Variants in EGLN2 observed in about 807,000 individuals in gnomAD.
EGLN2 encodes the protein prolyl hydroxylase EGLN2.
A neutral mutation model predicts 38.2 loss-of-function variants in EGLN2; 15 were observed. The observed-to-expected ratio is 0.39, with a 90% confidence interval of 0.26 to 0.60. The LOEUF (loss-of-function observed/expected upper bound fraction) is 0.60, where lower values mean the gene tolerates loss of function less well. Ranked by LOEUF, EGLN2 falls within the 20% of genes least tolerant of loss-of-function variation. The pLI is 0.50. For synonymous variants in EGLN2, 284 were observed against 237.4 expected (o/e 1.20, Z -1.81); for missense variants, 492 against 570.4 (o/e 0.86, Z 1.40).
Position 40,807,218 on chromosome 19 carries a change from C to T in EGLN2, c.1044C>T (p.Leu348=), listed in dbSNP as rs749451159. The T allele has an allele frequency of 1.9e-6, 3 of 1,614,198 alleles. No homozygotes were observed. The highest frequency in any genetic ancestry group is 2.2e-5 in the East Asian group (1 of 44,884). ...ANIEPLFDRL[L]IFWSDRRNPH... is the part of the protein sequence containing the mutation. ...TCGAGCCACTCTTTGACCGGTTGCT[C>T]ATTTTCTGGTCTGACCGGCGGAACC... Residue 348 remains leucine (L), a synonymous_variant, in exon 4 of 6, where the codon CTC becomes CTT. Transcript: ENST00000303961.
At position 40,808,015 on chromosome 19, in the gene EGLN2, C is replaced by A; in HGVS notation, c.*151C>A. On this transcript the variant is annotated 3_prime_UTR_variant, in exon 6 of 6. Transcript: ENST00000303961. ...GAGGGCTCTGTCTGTTGCTGAGGAC[C>A]AAGGAGGAGAAGAGACCTTTGCTGC... 3.9e-6 allele frequency: 3 copies of A among 760,620 alleles called. No individual in the cohort carries two copies. The highest frequency in any genetic ancestry group is 3.3e-4 in the Middle Eastern group (1 of 2,988). The allele number at this position is 760,620 out of a possible 1,614,324, so 47.1% of individuals were successfully genotyped here. A position where few individuals can be genotyped will look rare whatever the true frequency, so the allele number is the denominator to read the frequency against.
chr19:40,801,487 A>G, intron 2 of EGLN2, 72 bp downstream of exon 2: 1 of 1,541,592 alleles, frequency 6.5e-7, no homozygotes, highest in South Asian at 1.2e-5. Context: ...TGCTCTGAGC[A>G]CAGTGGGTTT....
In EGLN2 at chr19:40,808,135, T is replaced by G; in HGVS notation, c.*271T>G. On this transcript the variant is annotated 3_prime_UTR_variant, in exon 6 of 6. Transcript: ENST00000303961. ...CTGGGGGCCTGGGTCCTACCCTGTC[T>G]GGTCATGACCCCATTAGGTATGGAG... The G allele has an allele frequency of 1.8e-6, 1 of 562,806 alleles. No homozygotes were observed. The highest frequency in any genetic ancestry group is 2.9e-5 in the East Asian group (1 of 34,510). The allele number at this position is 562,806 out of a possible 1,614,324, so 34.9% of individuals were successfully genotyped here. A position where few individuals can be genotyped will look rare whatever the true frequency, so the allele number is the denominator to read the frequency against.
chr19:40,801,458 C>G, intron 2 of EGLN2, 43 bp downstream of exon 2: 1 of 1,572,866 alleles, frequency 6.4e-7, no homozygotes, highest in Non-Finnish European at 8.6e-7. Context: ...TTTGCAGCAC[C>G]CTGGTTTGCA....
In EGLN2 at chr19:40,801,196, C is replaced by T. The variant is rs750404916; in HGVS notation, c.624C>T (p.Ala208=). The part of the protein sequence containing the change: ...LGAALGGRVL[A]EVEALKRGGR... ...CAGCACTGGGCGGTCGCGTGCTGGC[C>T]GAGGTGGAGGCCCTCAAACGGGGTG... Residue 208 remains alanine, a synonymous_variant, in exon 2 of 6, where the codon GCC becomes GCT. Transcript: ENST00000303961. 9.3e-6 allele frequency: 15 copies of T among 1,612,540 alleles called. No homozygotes were observed. The highest frequency in any genetic ancestry group is 4.5e-5 in the East Asian group (2 of 44,882).
At position 40,806,706 on chromosome 19, in the gene EGLN2, T is replaced by C. The variant is rs1434839090; in HGVS notation, c.963+32T>C. 5.0e-6 allele frequency: 8 copies of C among 1,590,114 alleles called. No individual in the cohort carries two copies. In the African/African-American group the frequency reaches 1.1e-4, roughly 21 times the overall value. On this transcript the variant is annotated intron_variant, in intron 3 of 5. Coordinates refer to ENST00000303961, the MANE Select transcript of EGLN2 (RefSeq NM_080732.4). ...GTGAGGGTGAGGGTGAGGGTGGCGC[T>C]GGGGCTAGGGCTGGGGCGGGGGTGG... is the stretch of plus-strand genomic sequence containing the variant.
chr19:40,807,175 G>A lies in EGLN2; in HGVS notation c.1001G>A (p.Arg334Gln), dbSNP rs1384428532. Residue 334 changes from arginine to glutamine, a missense_variant, in exon 4 of 6, where the codon CGG becomes CAG. Physicochemically the swap from Arg to Gln is conservative, Grantham distance 43. Coordinates refer to ENST00000303961, the MANE Select transcript of EGLN2 (RefSeq NM_080732.4). ...GGLLQIFPEGRPVVANIEPLF... is the reference protein window; with the variant it reads ...GGLLQIFPEGQPVVANIEPLF... ...CTGCTGCAGATCTTCCCTGAGGGCC[G>A]GCCCGTGGTAGCCAACATCGAGCCA... The A allele has an allele frequency of 1.9e-6, 3 of 1,614,026 alleles. No homozygotes were observed. The highest frequency in any genetic ancestry group is 1.3e-5 in the African/African-American group (1 of 74,916).
At chr19:40,804,214 A>C (rs145912604) in intron 2 of EGLN2, 1 of 152,294 alleles carries the variant, frequency 6.6e-6, no homozygotes, top group Non-Finnish European at 1.5e-5. Flanking sequence ...GGGGAGACCA[A>C]CCTGGCCCCA....
intron 4 of EGLN2, 37 bp downstream of exon 4, chr19:40,807,311 C>A: frequency 6.2e-7 from 1 of 1,613,094 alleles, no homozygotes; most frequent in Non-Finnish European, 8.5e-7. Flanking sequence ...CCCAGGTGCT[C>A]CCCCTGTGAC....
In EGLN2 at chr19:40,806,633, A is replaced by G. The variant is rs773343502; in HGVS notation, c.922A>G (p.Ile308Val). 4 of 1,614,040 alleles carry G rather than the reference A, an allele frequency of 2.5e-6. No individual in the cohort carries two copies. Among genetic ancestry groups the G allele is most frequent in the South Asian group, 1.1e-5 (1 of 91,070 alleles). The change falls in exon 3 of 6, where the codon ATC becomes GTC. Residue 308 changes from isoleucine (I) to valine (V), a missense_variant. Coordinates refer to ENST00000303961, the MANE Select transcript of EGLN2 (RefSeq NM_080732.4). Reference sequence around the variant, plus strand: ...CAATCCCCACGGCGATGGGCGCTGCATCACCTGTATCTATTACCTGAATCA... The same window carrying G: ...CAATCCCCACGGCGATGGGCGCTGCGTCACCTGTATCTATTACCTGAATCA... Reference protein sequence around the residue: ...VDNPHGDGRCITCIYYLNQNW... With the variant: ...VDNPHGDGRCVTCIYYLNQNW...
rs143824958 is a variant in EGLN2 at position 40,806,590 on chromosome 19, G to A, written c.879G>A (p.Gly293=). Residue 293 remains glycine, a synonymous_variant, in exon 3 of 6, where the codon GGG becomes GGA. Transcript: ENST00000303961. The part of the protein sequence containing the change: ...MVACYPGNGL[G]YVRHVDNPHG... The stretch of plus-strand genomic sequence containing the variant: ...CGTGTTACCCAGGCAACGGGCTCGG[G>A]TACGTAAGGCACGTTGACAATCCCC... The A allele has an allele frequency of 5.1e-5, 82 of 1,614,090 alleles. No individual in the cohort carries two copies. In the African/African-American group the frequency reaches 1.0e-3, roughly 20 times the overall value.
chr19:40,801,895 C>T (rs2083263551), intron 2 of EGLN2, among the ~76,000 whole-genome samples: 1 of 151,732 alleles, frequency 6.6e-6, no homozygotes. Context: ...CTTCAAGCAT[C>T]GCCACAGTGG....
rs113479398 is a variant in EGLN2 at position 40,800,235 on chromosome 19, C to T, written c.-234-104C>T. The T allele has an allele frequency of 7.2e-3, 2,016 of 281,078 alleles. 50 individuals are homozygous for T. Among genetic ancestry groups the T allele is most frequent in the African/African-American group, 0.04 (1,878 of 46,550 alleles). 17.4% of individuals were successfully genotyped at this position (281,078 alleles called of 1,614,324 possible). On this transcript the variant is annotated intron_variant, in intron 1 of 5. Transcript: ENST00000303961. ...TTTTGGGGGGCCTCTATAGTCAAGTCTGTCCTGGTCGTCTTCCCCACTCCT... is the reference window on the plus strand; with the variant it reads ...TTTTGGGGGGCCTCTATAGTCAAGTTTGTCCTGGTCGTCTTCCCCACTCCT...
Position 40,808,264 on chromosome 19 carries a change from C to A in EGLN2, c.*400C>A. 1 of 419,534 alleles carries A rather than the reference C, an allele frequency of 2.4e-6. No individual in the cohort carries two copies. Among genetic ancestry groups the A allele is most frequent in the South Asian group, 8.7e-5 (1 of 11,536 alleles). 26.0% of individuals were successfully genotyped at this position (419,534 alleles called of 1,614,324 possible). ...TGGGGTGGGAGGAGTACCCCCAAGTCCTCTCACTCCTCCAGCCTGGAATGT... is the reference window on the plus strand; with the variant it reads ...TGGGGTGGGAGGAGTACCCCCAAGTACTCTCACTCCTCCAGCCTGGAATGT... On this transcript the variant is annotated 3_prime_UTR_variant, in exon 6 of 6. Coordinates refer to ENST00000303961, the MANE Select transcript of EGLN2 (RefSeq NM_080732.4).
intron 2 of EGLN2, 185 bp from the exon 3 acceptor site, chr19:40,806,370 T>C: frequency 5.7e-6 from 7 of 1,220,142 alleles, no homozygotes; most frequent in South Asian, 1.6e-5. Flanking sequence ...AGGTTTCTGA[T>C]AGACTTGGGG....
In EGLN2 at chr19:40,806,578, C is replaced by T. The variant is rs200937052; in HGVS notation, c.867C>T (p.Gly289=). 5 of 1,614,068 alleles carry T rather than the reference C, an allele frequency of 3.1e-6. No homozygotes were observed. The Admixed American group carries it at 8.3e-5, about 27-fold the overall frequency. The change falls in exon 3 of 6, where the codon GGC becomes GGT. Residue 289 remains glycine, a synonymous_variant. Transcript: ENST00000303961. The part of the protein sequence containing the change: ...RTKAMVACYP[G]NGLGYVRHVD... The stretch of plus-strand genomic sequence containing the variant: ...AGGCCATGGTGGCGTGTTACCCAGG[C>T]AACGGGCTCGGGTACGTAAGGCACG...
intron 2 of EGLN2, chr19:40,805,276 T>A (rs1481923430): frequency 6.6e-6 from 1 of 152,340 alleles, no homozygotes; most frequent in African/African-American, 2.4e-5. Context: ...GAAGGGTCCT[T>A]GTGCCAGTCC....
intron 1 of EGLN2, chr19:40,800,134 T>G (rs2083242475): frequency 5.3e-6 from 1 of 187,972 alleles, no homozygotes; most frequent in Admixed American, 5.3e-5. Flanking sequence ...AGCCTCTCCC[T>G]ATCACTGCCT....
At position 40,800,346 on chromosome 19, in the gene EGLN2, G is replaced by T; in HGVS notation, c.-227G>T. The T allele has an allele frequency of 5.6e-6, 3 of 539,690 alleles. No homozygotes were observed. The highest frequency in any genetic ancestry group is 9.5e-6 in the Non-Finnish European group (3 of 317,002). 33.4% of individuals were successfully genotyped at this position (539,690 alleles called of 1,614,324 possible). Reference sequence around the variant, plus strand: ...TTTTTTTCCTTTCTCTAGCCACCCTGAAGGGTCCCTTCCCAAGCCCTTAGG... The same window carrying T: ...TTTTTTTCCTTTCTCTAGCCACCCTTAAGGGTCCCTTCCCAAGCCCTTAGG... On this transcript the variant is annotated 5_prime_UTR_variant, in exon 2 of 6. Coordinates refer to ENST00000303961, the MANE Select transcript of EGLN2 (RefSeq NM_080732.4).
Sources: gnomAD v4.1 joint callset for allele counts (sites outside exome capture counted in the v4.1 genomes callset) on GRCh38, gnomAD v4.1.1 for gene constraint, MANE v1.5 for transcripts, NCBI Gene and HGNC (gene_info 2026-07-23, HGNC 2026-07-21) for gene names.